The following NIPSNAP2 variants were observed in gnomAD, a reference collection of about 807,000 sequenced individuals.
NIPSNAP2 encodes the protein protein NipSnap homolog 2.
A neutral mutation model predicts 48.4 loss-of-function variants in NIPSNAP2; 42 were observed. The observed-to-expected ratio is 0.87, with a 90% CI of 0.68 to 1.12. The LOEUF is 1.12. NIPSNAP2 is among the 50% of genes most tolerant of loss of function. NIPSNAP2 has a pLI of 0.00. For synonymous variants in NIPSNAP2, 158 were observed against 126.6 expected (o/e 1.25, Z -1.67); for missense variants, 314 against 347.3 (o/e 0.90, Z 0.76).
chr7:55,979,604 C>G, intron 3 of NIPSNAP2: 1 of 356,506 alleles, frequency 2.8e-6, no homozygotes, highest in Non-Finnish European at 5.5e-6. Flanking sequence ...GCCCCATTCC[C>G]AAGTAGCTTT....
chr7:55,969,982 CAAAAA>C lies in NIPSNAP2; in HGVS notation c.92+5297_92+5301del, dbSNP rs759505196. 5.3e-5 allele frequency among the ~76,000 whole-genome samples: 3 copies of C among 56,156 alleles called. No homozygotes were observed. In the East Asian group the frequency reaches 1.7e-3, roughly 32 times the overall value. The allele number at this position is 56,156 out of a possible 152,430, so 36.8% of individuals were successfully genotyped here. On this transcript the variant is annotated intron_variant, in intron 1 of 9. Coordinates refer to ENST00000322090, the MANE Select transcript of NIPSNAP2 (RefSeq NM_001483.3). ...TGGGCGACGGAGCGAGACTCTGTCT[CAAAAA>C]AAAAAAAAAAAAAAAGATCATATGA...
intron 7 of NIPSNAP2, 70 bp downstream of exon 7, chr7:55,984,948 C>A: frequency 7.9e-7 from 1 of 1,261,360 alleles, no homozygotes; most frequent in Non-Finnish European, 1.1e-6. Context: ...AGTGTTAATT[C>A]TAGGGAAAAA....
At chr7:55,985,060 C>T (rs1423665936) in intron 7 of NIPSNAP2, among the ~76,000 whole-genome samples, 182 bp downstream of exon 7, 1 of 152,118 alleles carries the variant, frequency 6.6e-6, no homozygotes, top group Non-Finnish European at 1.5e-5. Context: ...AATAATGGGG[C>T]TCCCCTTCCA....
At position 55,978,245 on chromosome 7, in the gene NIPSNAP2, G is replaced by A; in HGVS notation, c.212G>A (p.Ser71Asn). 1 of 1,614,120 alleles carries A rather than the reference G, an allele frequency of 6.2e-7. No homozygotes were observed. The highest frequency in any genetic ancestry group is 1.1e-5 in the South Asian group (1 of 91,072). The change falls in exon 2 of 10, where the codon AGC becomes AAC. Residue 71 changes from serine to asparagine, a missense_variant. Physicochemically the swap from Ser to Asn is conservative, Grantham distance 46. Transcript: ENST00000322090. ...AATCTCCTAGCCAAAAAGGAAACAAGCAATCTATACAAATTACAGTGTGAG... is the reference window on the plus strand; with the variant it reads ...AATCTCCTAGCCAAAAAGGAAACAAACAATCTATACAAATTACAGTGTGAG... ...HSNLLAKKET[S>N]NLYKLQFHNV...
At chr7:55,984,773 C>G in intron 6 of NIPSNAP2, 74 bp from the exon 7 acceptor site, 6 of 1,034,764 alleles carry the variant, frequency 5.8e-6, no homozygotes, top group Middle Eastern at 2.4e-4. Context: ...AATGTTTTTT[C>G]TACTGCTGTT....
At position 55,979,782 on chromosome 7, in the gene NIPSNAP2, A is replaced by G. The variant is rs1343299833; in HGVS notation, c.278+1387A>G. The G allele has an allele frequency of 6.6e-6, 3 of 456,530 alleles. No homozygotes were observed. In the Admixed American group the frequency reaches 7.1e-5, roughly 11 times the overall value. The allele number at this position is 456,530 out of a possible 1,614,324, so 28.3% of individuals were successfully genotyped here. A position where few individuals can be genotyped will look rare whatever the true frequency, so the allele number is the denominator to read the frequency against. On this transcript the variant is annotated intron_variant, in intron 3 of 9. Transcript: ENST00000322090. ...CAGCAGCTCCCTGTTTGCAGAACAT[A>G]AAGACTTAACTCCTGCCTGGTTTTT...
At chr7:55,971,623 C>A (rs892597305) in intron 1 of NIPSNAP2, among the ~76,000 whole-genome samples, 2 of 152,032 alleles carry the variant, frequency 1.3e-5, no homozygotes, top group African/African-American at 4.8e-5. Context: ...CCACCATGCC[C>A]AGCTACTCTT....
At chr7:55,989,374 C>G (rs998459459) in intron 7 of NIPSNAP2, among the ~76,000 whole-genome samples, 1 of 152,144 alleles carries the variant, frequency 6.6e-6, no homozygotes, top group African/African-American at 2.4e-5. Context: ...CCTCTAATTC[C>G]AACACTTCGG....
At chr7:55,966,506 G>A (rs1464397457) in intron 1 of NIPSNAP2, among the ~76,000 whole-genome samples, 1 of 152,070 alleles carries the variant, frequency 6.6e-6, no homozygotes, top group African/African-American at 2.4e-5. Flanking sequence ...ATAGGAAGCC[G>A]GGTGCAGTGG....
In NIPSNAP2 at chr7:55,999,079, A is replaced by G. The variant is rs777834456; in HGVS notation, c.*7A>G. ...GACCTCGCCCCTCCAGTAAAGCTGT[A>G]GAGTTTCTATGTGCCTACATACATT... is the stretch of plus-strand genomic sequence containing the variant. On this transcript the variant is annotated 3_prime_UTR_variant, in exon 10 of 10. Transcript: ENST00000322090. 5 of 1,608,010 alleles carry G rather than the reference A, an allele frequency of 3.1e-6. No homozygotes were observed. The East Asian group carries it at 1.1e-4, about 36-fold the overall frequency.
At chr7:55,974,250 T>C (rs576380905) in intron 1 of NIPSNAP2, among the ~76,000 whole-genome samples, 12 of 97,644 alleles carry the variant, frequency 1.2e-4, no homozygotes, top group Non-Finnish European at 1.6e-4. Flanking sequence ...GCAAACTGAT[T>C]TTTTAAGCAA....
intron 1 of NIPSNAP2, among the ~76,000 whole-genome samples, chr7:55,968,400 T>C (rs75686157): frequency 6.6e-6 from 1 of 151,020 alleles, no homozygotes; most frequent in Non-Finnish European, 1.5e-5. Flanking sequence ...TTTTTTTTTT[T>C]CCTGAGACAG....
At chr7:55,969,213 C>G (rs1309848799) in intron 1 of NIPSNAP2, among the ~76,000 whole-genome samples, 5 of 152,032 alleles carry the variant, frequency 3.3e-5, no homozygotes, top group Non-Finnish European at 7.4e-5. Flanking sequence ...GAACAGGTCT[C>G]TGGAGCAGCA....
intron 8 of NIPSNAP2, 101 bp downstream of exon 8, chr7:55,995,089 CA>C: frequency 1.0e-6 from 1 of 954,958 alleles, no homozygotes; most frequent in Non-Finnish European, 1.7e-6. Flanking sequence ...TTAACCACTA[CA>C]GCAAATCCGA....
chr7:55,982,103 C>A, intron 4 of NIPSNAP2, 107 bp from the exon 5 acceptor site: 1 of 640,338 alleles, frequency 1.6e-6, no homozygotes, highest in Non-Finnish European at 2.8e-6. Flanking sequence ...CACCACACAC[C>A]CAGCCTACAG....
intron 8 of NIPSNAP2, among the ~76,000 whole-genome samples, chr7:55,996,296 A>G (rs566008720): frequency 1.3e-4 from 20 of 151,958 alleles, no homozygotes; most frequent in African/African-American, 4.6e-4. Context: ...AAAAAAAAAA[A>G]AAAAAGAAAA....
intron 8 of NIPSNAP2, among the ~76,000 whole-genome samples, 173 bp downstream of exon 8, chr7:55,995,161 C>G (rs529487223): frequency 1.4e-4 from 21 of 152,174 alleles, no homozygotes; most frequent in African/African-American, 4.6e-4. Context: ...CAGTGAAAGT[C>G]CATAGATTGA....
In NIPSNAP2 at chr7:55,978,236, A is replaced by C. The variant is rs969791373; in HGVS notation, c.203A>C (p.Lys68Thr). Residue 68 changes from lysine to threonine, a missense_variant, in exon 2 of 10, where the codon AAG becomes ACG. Lys to Thr is a moderately conservative substitution (Grantham distance 78). Around this residue, in one of 2 missense-constraint regions of NIPSNAP2, gnomAD observed 198 missense variants for 185.5 expected, o/e 1.07. Coordinates refer to ENST00000322090, the MANE Select transcript of NIPSNAP2 (RefSeq NM_001483.3). ...GCCCACTCCAATCTCCTAGCCAAAA[A>C]GGAAACAAGCAATCTATACAAATTA... ...KDAHSNLLAK[K>T]ETSNLYKLQF... 6.2e-7 allele frequency: 1 copy of C among 1,614,202 alleles called. No individual in the cohort carries two copies. Among genetic ancestry groups the C allele is most frequent in the Non-Finnish European group, 8.5e-7 (1 of 1,180,034 alleles).
At chr7:55,986,983 TAAAAAAAAAAA>T (rs71561981) in intron 7 of NIPSNAP2, among the ~76,000 whole-genome samples, 10 of 54,800 alleles carry the variant, frequency 1.8e-4, no homozygotes, top group East Asian at 4.8e-4. Flanking sequence ...CCTGTCTCTA[TAAAAAAAAAAA>T]AAAAAAAAAA....
Sources: allele counts gnomAD v4.1 joint callset (sites outside exome capture counted in the v4.1 genomes callset), GRCh38; gene constraint gnomAD v4.1.1; regional missense constraint gnomAD v4.1.1; transcripts MANE v1.5; gene names NCBI Gene and HGNC (gene_info 2026-07-23, HGNC 2026-07-21).